CDH4: variants seen among roughly 807,000 people sequenced by gnomAD.
CDH4 encodes cadherin-4.
In CDH4, 33 loss-of-function variants were observed where a neutral mutation model predicts 86.0. The ratio of observed to expected loss-of-function variants is 0.38; its 90% CI spans 0.29 to 0.51. The LOEUF is 0.51. Among genes scored for constraint, CDH4 ranks in the 20% least tolerant of loss-of-function variants. The probability of loss-of-function intolerance (pLI) is 0.86; values close to 1 mark genes in which losing one functional copy is unlikely to be tolerated. For missense variants in CDH4, 1,114 were observed against 1,307.4 expected (o/e 0.85, Z 2.28); for synonymous variants, 555 against 549.4 (o/e 1.01, Z -0.14).
At chr20:61,608,264 G>A (rs1002462889) in intron 2 of CDH4, among the ~76,000 whole-genome samples, 6 of 152,170 alleles carry the variant, frequency 3.9e-5, no homozygotes, top group South Asian at 2.1e-4. Context: ...TCTAAGCCAC[G>A]CAGGTTGGCA....
intron 3 of CDH4, among the ~76,000 whole-genome samples, chr20:61,744,634 T>G (rs934951433): frequency 6.6e-6 from 1 of 151,976 alleles, no homozygotes; most frequent in Non-Finnish European, 1.5e-5. Flanking sequence ...ATAAAACATC[T>G]GCTGTTCAGG....
At position 61,548,547 on chromosome 20, in the gene CDH4, T is replaced by C. The variant is rs2086105380; in HGVS notation, c.170-195016T>C. Among the ~76,000 whole-genome samples the C allele has an allele frequency of 1.3e-5, 2 of 152,180 alleles. 1 individual carries two copies. Among genetic ancestry groups the C allele is most frequent in the East Asian group, 3.9e-4 (2 of 5,170 alleles). ...ATCAAGCAGAATTCTTGGGGCAAGATTTTATTCAGATTTGTTGCATTTTAG... is the reference window on the plus strand; with the variant it reads ...ATCAAGCAGAATTCTTGGGGCAAGACTTTATTCAGATTTGTTGCATTTTAG... On this transcript the variant is annotated intron_variant, in intron 2 of 15. Transcript: ENST00000614565.
intron 2 of CDH4, chr20:61,719,170 T>A (rs572245101): frequency 2.1e-6 from 1 of 466,882 alleles, no homozygotes; most frequent in South Asian, 1.6e-5. Flanking sequence ...ATTGTCAGCA[T>A]CCATGGGTTC....
chr20:61,322,842 C>T (rs1213502373), intron 2 of CDH4, among the ~76,000 whole-genome samples: 1 of 152,170 alleles, frequency 6.6e-6, no homozygotes, highest in Non-Finnish European at 1.5e-5. Flanking sequence ...GGCCTTTGAT[C>T]GCAGCAGTGC....
At chr20:61,303,432 G>A (rs1048929669) in intron 2 of CDH4, among the ~76,000 whole-genome samples, 3 of 148,618 alleles carry the variant, frequency 2.0e-5, no homozygotes, top group Admixed American at 6.8e-5. Context: ...CCGTATCCAC[G>A]CCCTGCCCCG....
At chr20:61,539,803 A>G (rs1003125395) in intron 2 of CDH4, among the ~76,000 whole-genome samples, 1 of 152,244 alleles carries the variant, frequency 6.6e-6, no homozygotes, top group Admixed American at 6.5e-5. Flanking sequence ...CTTGACCTCC[A>G]TGGCTTCTGC....
intron 2 of CDH4, among the ~76,000 whole-genome samples, chr20:61,731,234 T>C (rs6142844): frequency 0.82 from 125,182 of 151,972 alleles, 51,934 homozygotes; most frequent in East Asian, 0.98. Flanking sequence ...TGTCCCATTC[T>C]GAGGGTCTCC....
chr20:61,353,794 G>A (rs901269814), intron 2 of CDH4, among the ~76,000 whole-genome samples: 11 of 119,024 alleles, frequency 9.2e-5, no homozygotes, highest in East Asian at 2.7e-4. Context: ...TGGGAACAGC[G>A]CTTCATGCCA....
chr20:61,667,446 A>G (rs1239650024), intron 2 of CDH4, among the ~76,000 whole-genome samples: 1 of 152,250 alleles, frequency 6.6e-6, no homozygotes, highest in South Asian at 2.1e-4. Flanking sequence ...TCACAGAGCC[A>G]GAAAGTGACT....
intron 8 of CDH4, among the ~76,000 whole-genome samples, chr20:61,905,040 C>T (rs1029407084): frequency 6.6e-6 from 1 of 152,188 alleles, no homozygotes; most frequent in African/African-American, 2.4e-5. Context: ...CGTAGGAAGA[C>T]AAAATCCTCC....
chr20:61,734,301 G>A (rs2088233519), intron 2 of CDH4, among the ~76,000 whole-genome samples: 1 of 152,256 alleles, frequency 6.6e-6, no homozygotes, highest in Non-Finnish European at 1.5e-5. Context: ...AATTATGACT[G>A]CTACATGTAA....
At chr20:61,782,569 G>A (rs1486158591) in intron 4 of CDH4, among the ~76,000 whole-genome samples, 1 of 152,174 alleles carries the variant, frequency 6.6e-6, no homozygotes, top group Non-Finnish European at 1.5e-5. Flanking sequence ...GTACAGCATT[G>A]TATTAGGGAG....
At chr20:61,882,073 C>T (rs1449010981) in intron 7 of CDH4, among the ~76,000 whole-genome samples, 1 of 152,218 alleles carries the variant, frequency 6.6e-6, no homozygotes, top group Admixed American at 6.5e-5. Context: ...TGGAGCCGGA[C>T]CCTGCCCGCG....
Position 61,663,672 on chromosome 20 carries a change from G to A in CDH4, c.170-79891G>A, listed in dbSNP as rs2087287373. Among the ~76,000 whole-genome samples, 1 of 152,210 alleles carries A rather than the reference G, an allele frequency of 6.6e-6. No individual in the cohort carries two copies. Among genetic ancestry groups the A allele is most frequent in the South Asian group, 2.1e-4 (1 of 4,814 alleles). On this transcript the variant is annotated intron_variant, in intron 2 of 15. Transcript: ENST00000614565. This position sits in a 1 kb window ranked among gnomAD's most constrained non-coding sequence, Gnocchi z 5.0. ...GAAGCGGGGACTCGAGGAGAGCAGGGAGTGCTGTCTTCCCGGCGGGAGCTG... is the reference window on the plus strand; with the variant it reads ...GAAGCGGGGACTCGAGGAGAGCAGGAAGTGCTGTCTTCCCGGCGGGAGCTG...
intron 2 of CDH4, among the ~76,000 whole-genome samples, chr20:61,371,103 C>T (rs1254263535): frequency 2.6e-5 from 4 of 152,200 alleles, no homozygotes; most frequent in Non-Finnish European, 4.4e-5. Context: ...CTGTTTGGAG[C>T]GAGCAGGCTG....
At chr20:61,339,824 A>G (rs2084640458) in intron 2 of CDH4, among the ~76,000 whole-genome samples, 1 of 152,190 alleles carries the variant, frequency 6.6e-6, no homozygotes, top group African/African-American at 2.4e-5. Context: ...CTGATGGAGA[A>G]TTTGAGAGGA....
intron 2 of CDH4, among the ~76,000 whole-genome samples, chr20:61,604,007 C>A (rs2086623416): frequency 6.6e-6 from 1 of 152,128 alleles, no homozygotes; most frequent in Admixed American, 6.5e-5. Context: ...GTGATTGATC[C>A]TTCTTTAAAA....
At chr20:61,374,313 G>A (rs1249913066) in intron 2 of CDH4, among the ~76,000 whole-genome samples, 1 of 152,168 alleles carries the variant, frequency 6.6e-6, no homozygotes, top group African/African-American at 2.4e-5. Context: ...TCGCAGAGAA[G>A]GTGATGACTG....
intron 3 of CDH4, among the ~76,000 whole-genome samples, chr20:61,763,826 G>T (rs948461856): frequency 6.6e-6 from 1 of 152,160 alleles, no homozygotes; most frequent in Non-Finnish European, 1.5e-5. Context: ...TAACAGATGC[G>T]TGGATTCGAG....
Sources: allele counts gnomAD v4.1 joint callset (sites outside exome capture counted in the v4.1 genomes callset), GRCh38; gene constraint gnomAD v4.1.1; non-coding constraint Gnocchi (gnomAD v3.1); transcripts MANE v1.5; gene names NCBI Gene and HGNC (gene_info 2026-07-23, HGNC 2026-07-21).